ABI3BP: variants seen among roughly 807,000 people sequenced by gnomAD.
The protein encoded by ABI3BP is target of Nesh-SH3.
A neutral mutation model predicts 268.6 loss-of-function variants in ABI3BP; 216 were observed. That is an observed-to-expected ratio of 0.80 (90% CI 0.72 to 0.90). ABI3BP has a LOEUF of 0.90. Ranked by LOEUF, ABI3BP falls within the 40% of genes least tolerant of loss-of-function variation. ABI3BP has a pLI of 0.00. For synonymous variants in ABI3BP, 730 were observed against 730.0 expected (o/e 1.00, Z 0.00); for missense variants, 2,090 against 2,182.4 (o/e 0.96, Z 0.84).
intron 41 of ABI3BP, 24 bp from the exon 42 acceptor site, chr3:100,817,519 G>A (rs1185839511): frequency 7.2e-7 from 1 of 1,389,854 alleles, no homozygotes; most frequent in African/African-American, 1.5e-5. Context: ...ATAAAATAAA[G>A]CAAAAAGATT....
intron 58 of ABI3BP, 96 bp downstream of exon 58, chr3:100,780,036 G>A: frequency 1.8e-6 from 2 of 1,082,690 alleles, no homozygotes; most frequent in Non-Finnish European, 2.8e-6. Context: ...CGGGGGCTGT[G>A]TGGATGTTGC....
intron 1 of ABI3BP, among the ~76,000 whole-genome samples, chr3:100,966,604 A>G (rs1246935619): frequency 6.6e-6 from 1 of 152,246 alleles, no homozygotes. Flanking sequence ...ATGAGAAGTT[A>G]AGGTGGTTTG....
chr3:100,868,240 T>C (rs1412101288), intron 9 of ABI3BP, among the ~76,000 whole-genome samples: 2 of 152,204 alleles, frequency 1.3e-5, no homozygotes, highest in Admixed American at 1.3e-4. Context: ...TTTGTATGGG[T>C]GGCTGGCCTG....
chr3:100,762,093 A>C (rs2095995485), intron 63 of ABI3BP, among the ~76,000 whole-genome samples: 1 of 151,836 alleles, frequency 6.6e-6, no homozygotes, highest in South Asian at 2.1e-4. Context: ...ATATGACTAG[A>C]GTTATTATTA....
chr3:100,883,452 A>G (rs959443604), intron 6 of ABI3BP, among the ~76,000 whole-genome samples: 2 of 152,122 alleles, frequency 1.3e-5, no homozygotes, highest in African/African-American at 4.8e-5. Context: ...ATATAGTTCT[A>G]AAAAGAACCC....
Position 100,794,990 on chromosome 3 carries a change from T to C in ABI3BP, c.3879A>G (p.Thr1293=), listed in dbSNP as rs751845963. The change falls in exon 54 of 68, where the codon ACA becomes ACG. Residue 1293 remains threonine (T), a synonymous_variant. Transcript: ENST00000471714. The stretch of plus-strand genomic sequence containing the variant: ...TCATGGGTATAAAAGGGATGCCTCG[T>C]GTCTCTAGAGGAGCTGCAAAAAGAA... ...PPKTTIAPLE[T]RGIPFIPMIS... 5 of 1,545,978 alleles carry C rather than the reference T, an allele frequency of 3.2e-6. No homozygotes were observed. In the South Asian group the frequency reaches 6.2e-5, roughly 19 times the overall value.
intron 4 of ABI3BP, among the ~76,000 whole-genome samples, chr3:100,894,089 T>C (rs534260555): frequency 6.6e-6 from 1 of 152,034 alleles, no homozygotes; most frequent in African/African-American, 2.4e-5. Context: ...CATGCTTGGA[T>C]TGGGAACATT....
chr3:100,843,343 C>G lies in ABI3BP; in HGVS notation c.1724-1304G>C, dbSNP rs146955580. Among the ~76,000 whole-genome samples the G allele has an allele frequency of 1.8e-4, 28 of 151,958 alleles. No homozygotes were observed. The East Asian group carries it at 5.2e-3, about 28-fold the overall frequency. On this transcript the variant is annotated intron_variant, in intron 20 of 67. Transcript: ENST00000471714. ...GCAGAAATAGATTGTAACAGATGAACGGCAAAAGCAGTAGTGATGTGTCAG... is the reference window on the plus strand; with the variant it reads ...GCAGAAATAGATTGTAACAGATGAAGGGCAAAAGCAGTAGTGATGTGTCAG...
chr3:100,992,898 G>A (rs561326818), intron 1 of ABI3BP, among the ~76,000 whole-genome samples: 2 of 152,148 alleles, frequency 1.3e-5, no homozygotes, highest in Non-Finnish European at 2.9e-5. Context: ...AAGATTCAAG[G>A]TTTCAGAACC....
chr3:100,900,710 G>A (rs1226103073), intron 3 of ABI3BP, among the ~76,000 whole-genome samples: 3 of 152,054 alleles, frequency 2.0e-5, no homozygotes, highest in Admixed American at 6.5e-5. Context: ...TAGAATGAAT[G>A]GAAGCTAATC....
intron 29 of ABI3BP, among the ~76,000 whole-genome samples, 179 bp downstream of exon 29, chr3:100,834,505 C>T (rs144384387): frequency 4.6e-5 from 7 of 152,210 alleles, no homozygotes; most frequent in Non-Finnish European, 7.4e-5. Flanking sequence ...GAGGTCCTCA[C>T]GCAATCAGAA....
chr3:100,927,725 G>C (rs971825405), intron 1 of ABI3BP, among the ~76,000 whole-genome samples: 1 of 152,084 alleles, frequency 6.6e-6, no homozygotes, highest in African/African-American at 2.4e-5. Flanking sequence ...CCACCCTTGT[G>C]ATCCAATCAC....
chr3:100,774,874 T>C (rs2096656955), intron 60 of ABI3BP, among the ~76,000 whole-genome samples: 1 of 152,162 alleles, frequency 6.6e-6, no homozygotes, highest in Non-Finnish European at 1.5e-5. Context: ...GTGTGAGTAA[T>C]GAATTACAAA....
chr3:100,794,792 T>A lies in ABI3BP; in HGVS notation c.3946+131A>T, dbSNP rs539593457. The A allele has an allele frequency of 4.5e-6, 3 of 660,902 alleles. No homozygotes were observed. The South Asian group carries it at 5.7e-5, about 13-fold the overall frequency. 40.9% of individuals were successfully genotyped at this position (660,902 alleles called of 1,614,324 possible). A position where few individuals can be genotyped will look rare whatever the true frequency, so the allele number is the denominator to read the frequency against. On this transcript the variant is annotated intron_variant, in intron 54 of 67. Transcript: ENST00000471714. ...GACAAATACACAGTTAATGTAAAAGTATTGAGTGAAATGGATTTTTAAATA... is the reference window on the plus strand; with the variant it reads ...GACAAATACACAGTTAATGTAAAAGAATTGAGTGAAATGGATTTTTAAATA...
At chr3:100,825,712 T>C in intron 35 of ABI3BP, 73 bp downstream of exon 35, 1 of 1,181,770 alleles carries the variant, frequency 8.5e-7, no homozygotes, top group Non-Finnish European at 1.2e-6. Flanking sequence ...GTTATAGGGA[T>C]GAAGACTGAA....
intron 27 of ABI3BP, among the ~76,000 whole-genome samples, chr3:100,836,514 A>G (rs1248839456): frequency 1.3e-5 from 2 of 152,186 alleles, no homozygotes; most frequent in African/African-American, 4.8e-5. Flanking sequence ...CATCTTCAGA[A>G]CTAAAGGCAT....
rs57586831 is a variant in ABI3BP, at chr3:100,942,189, AG to A, written c.80-15709del. On this transcript the variant is annotated intron_variant, in intron 1 of 67. Coordinates refer to ENST00000471714, the MANE Select transcript of ABI3BP (RefSeq NM_001375547.2). The stretch of plus-strand genomic sequence containing the variant: ...TCTGATGGCAAAGACTGGACATTCT[AG>A]TACATTGGGTAGATGAATAAGTCAG... Among the ~76,000 whole-genome samples the A allele has an allele frequency of 4.5e-3, 684 of 152,282 alleles. 3 individuals are homozygous for A. The highest frequency in any genetic ancestry group is 0.016 in the African/African-American group (656 of 41,586).
intron 1 of ABI3BP, among the ~76,000 whole-genome samples, chr3:100,986,150 A>G (rs2091686697): frequency 6.6e-6 from 1 of 152,192 alleles, no homozygotes; most frequent in African/African-American, 2.4e-5. Flanking sequence ...CATAATAGAA[A>G]GGCCTATGAG....
At chr3:100,857,653 C>A (rs765111656) in intron 14 of ABI3BP, among the ~76,000 whole-genome samples, 9 of 152,182 alleles carry the variant, frequency 5.9e-5, no homozygotes, top group Non-Finnish European at 1.3e-4. Flanking sequence ...ATTTTCAGAG[C>A]AAGCTATATG....
Sources: allele counts gnomAD v4.1 joint callset (sites outside exome capture counted in the v4.1 genomes callset), GRCh38; gene constraint gnomAD v4.1.1; transcripts MANE v1.5; gene names NCBI Gene and HGNC (gene_info 2026-07-23, HGNC 2026-07-21).